The following REPS2 variants were observed in gnomAD, a reference collection of about 807,000 sequenced individuals.
REPS2 encodes the protein RALBP1 associated Eps domain containing 2.
In REPS2, 23 loss-of-function variants were observed where a neutral mutation model predicts 53.6. The ratio of observed to expected loss-of-function variants is 0.43; its 90% CI spans 0.31 to 0.61. The LOEUF (loss-of-function observed/expected upper bound fraction) is 0.61. Ranked by LOEUF, REPS2 falls within the 20% of genes least tolerant of loss-of-function variation. REPS2 has a pLI of 0.11. For missense variants in REPS2, 446 were observed against 534.9 expected (o/e 0.83, Z 1.64); for synonymous variants, 238 against 218.6 (o/e 1.09, Z -0.78).
At chrX:16,995,073 G>T (rs1318003775) in intron 1 of REPS2, among the ~76,000 whole-genome samples, 1 of 112,407 alleles carries the variant, frequency 8.9e-6, no homozygotes. Context: ...TTATGATGAA[G>T]CCAGCATTGT....
the REPS2 span, among the ~76,000 whole-genome samples, chrX:17,168,395 T>C: frequency 4.5e-5 from 5 of 111,486 alleles, no homozygotes. Context: ...ATGCCTGTAG[T>C]CCCAGCTACT....
In REPS2 at chrX:16,982,243, A is replaced by T. The variant is rs773648138; in HGVS notation, c.274-23978A>T. 6.3e-5 allele frequency among the ~76,000 whole-genome samples: 7 copies of T among 111,933 alleles called. No individual in the cohort carries two copies. The East Asian group carries it at 1.7e-3, about 27-fold the overall frequency. ...GTTGATGGACATTTGAGTTGTTTCCACTTTGTGCTATTATTATGAATAATG... is the reference window on the plus strand; with the variant it reads ...GTTGATGGACATTTGAGTTGTTTCCTCTTTGTGCTATTATTATGAATAATG... On this transcript the variant is annotated intron_variant, in intron 1 of 17. Coordinates refer to ENST00000357277, the MANE Select transcript of REPS2 (RefSeq NM_004726.3).
chrX:16,954,849 C>T (rs1320158865), intron 1 of REPS2, among the ~76,000 whole-genome samples: 1 of 83,663 alleles, frequency 1.2e-5, no homozygotes, highest in African/African-American at 4.7e-5. Context: ...CTTGCTCTGT[C>T]GCCCGGGCTG....
chrX:17,016,158 G>A (rs772336212), intron 2 of REPS2, among the ~76,000 whole-genome samples: 1 of 111,781 alleles, frequency 8.9e-6, no homozygotes, highest in South Asian at 3.8e-4. Flanking sequence ...TTCTCTGATG[G>A]CCAGTGATGA....
chrX:17,164,868 G>A, the REPS2 span, among the ~76,000 whole-genome samples: 1 of 111,729 alleles, frequency 9.0e-6, no homozygotes. Flanking sequence ...AAAAACAATA[G>A]AGAAACCAAA....
chrX:17,091,191 T>C (rs765603168), intron 13 of REPS2, among the ~76,000 whole-genome samples: 3 of 112,422 alleles, frequency 2.7e-5, no homozygotes, highest in Non-Finnish European at 5.6e-5. Context: ...AAGTATTTGC[T>C]ACAATGGCAT....
chrX:16,947,183 C>T (rs2060447420), intron 1 of REPS2, 49 bp downstream of exon 1: 3 of 970,129 alleles, frequency 3.1e-6, no homozygotes, highest in Non-Finnish European at 1.3e-6. Context: ...GCAGTGTGTG[C>T]GGGGGCGGAG....
chrX:17,093,196 ATATAAT>A (rs1569172041), intron 13 of REPS2, among the ~76,000 whole-genome samples: 8,737 of 26,222 alleles, frequency 0.33, 904 homozygotes, highest in East Asian at 0.53. Context: ...ATATATATAT[ATATAAT>A]TTTTTTTTTG....
intron 2 of REPS2, among the ~76,000 whole-genome samples, chrX:17,017,340 G>T (rs973468172): frequency 8.9e-6 from 1 of 111,862 alleles, no homozygotes; most frequent in Non-Finnish European, 1.9e-5. Context: ...CAATACATTG[G>T]GTGATTATCA....
rs749641828 is a variant in REPS2 at position 17,151,517 on chromosome X, T to G, written c.*4036T>G. ...GTAGTTGGAAACATCTCAATTACAG[T>G]GTAACACCTTAGAGCTAAAAACATT... On this transcript the variant is annotated 3_prime_UTR_variant, in exon 18 of 18. Coordinates refer to ENST00000357277, the MANE Select transcript of REPS2 (RefSeq NM_004726.3). 1 of 113,051 alleles carries G rather than the reference T, an allele frequency of 8.8e-6. No individual in the cohort carries two copies. The highest frequency in any genetic ancestry group is 2.8e-4 in the East Asian group (1 of 3,595). 9.3% of individuals were successfully genotyped at this position (113,051 alleles called of 1,213,427 possible). A position where few individuals can be genotyped will look rare whatever the true frequency, so the allele number is the denominator to read the frequency against.
intron 13 of REPS2, among the ~76,000 whole-genome samples, chrX:17,093,139 G>A (rs1235211204): frequency 6.1e-5 from 5 of 82,264 alleles, no homozygotes; most frequent in Non-Finnish European, 9.4e-5. Context: ...AGCAGCAACC[G>A]AACAAGGAAA....
chrX:17,158,291 A>G, the REPS2 span, among the ~76,000 whole-genome samples: 1 of 111,760 alleles, frequency 8.9e-6, no homozygotes, highest in Non-Finnish European at 1.9e-5. Flanking sequence ...GAGAGCCCAA[A>G]TACATAGCCG....
At chrX:17,146,110 G>GAAA (rs149334711) in intron 17 of REPS2, among the ~76,000 whole-genome samples, 4 of 77,057 alleles carry the variant, frequency 5.2e-5, no homozygotes, top group African/African-American at 1.9e-4. Flanking sequence ...CTCTGTCTCA[G>GAAA]AAAAAAAAAA....
intron 10 of REPS2, among the ~76,000 whole-genome samples, chrX:17,068,897 G>A (rs1030695654): frequency 1.8e-5 from 2 of 112,426 alleles, no homozygotes; most frequent in Admixed American, 1.9e-4. Context: ...GTGTTTATCT[G>A]TTTCTTGGCT....
At chrX:17,047,599 A>G in intron 6 of REPS2, 117 bp downstream of exon 6, 1 of 940,254 alleles carries the variant, frequency 1.1e-6, no homozygotes. Flanking sequence ...TTTTTCATCT[A>G]AAGTCGAATT....
intron 4 of REPS2, among the ~76,000 whole-genome samples, chrX:17,025,588 G>A (rs114827890): frequency 0.034 from 3,779 of 111,847 alleles, 173 homozygotes; most frequent in African/African-American, 0.12. Context: ...AACTGCAAAA[G>A]CAAAAGAGTT....
chrX:16,969,197 C>G (rs1243732967), intron 1 of REPS2, among the ~76,000 whole-genome samples: 1 of 108,988 alleles, frequency 9.2e-6, no homozygotes, highest in Non-Finnish European at 1.9e-5. Flanking sequence ...TCCTCACTTC[C>G]TAGATGGGAT....
the REPS2 span, among the ~76,000 whole-genome samples, chrX:17,173,770 T>C: frequency 8.9e-6 from 1 of 112,348 alleles, no homozygotes; most frequent in Non-Finnish European, 1.9e-5. Context: ...GTGATCACCC[T>C]ATTACCCTTG....
intron 13 of REPS2, among the ~76,000 whole-genome samples, chrX:17,087,879 G>A (rs749184797): frequency 6.4e-5 from 7 of 110,235 alleles, no homozygotes; most frequent in South Asian, 3.9e-4. Context: ...AGCCGAGATC[G>A]TGCCACTGCA....
Sources: gnomAD v4.1 joint callset for allele counts (sites outside exome capture counted in the v4.1 genomes callset) on GRCh38, gnomAD v4.1.1 for gene constraint, MANE v1.5 for transcripts, NCBI Gene and HGNC (gene_info 2026-07-23, HGNC 2026-07-21) for gene names.